Variants in SRGAP1 observed in about 807,000 individuals in gnomAD.
The protein encoded by SRGAP1 is SLIT-ROBO Rho GTPase activating protein 1.
A neutral mutation model predicts 121.9 loss-of-function variants in SRGAP1; 43 were observed. The ratio of observed to expected loss-of-function variants is 0.35; its 90% CI spans 0.28 to 0.46. SRGAP1 has a LOEUF of 0.46. SRGAP1 is among the 20% of genes least tolerant of loss of function. The pLI is 1.00. For synonymous variants in SRGAP1, 447 were observed against 485.4 expected (o/e 0.92, Z 1.04); for missense variants, 1,102 against 1,350.9 (o/e 0.82, Z 2.89).
At chr12:64,137,686 T>C (rs1377615216) in intron 21 of SRGAP1, among the ~76,000 whole-genome samples, 1 of 152,204 alleles carries the variant, frequency 6.6e-6, no homozygotes, top group Non-Finnish European at 1.5e-5. Context: ...CAAATCTTTA[T>C]TGAGCATTTA....
At chr12:63,863,282 T>TC (rs1899516699) in intron 1 of SRGAP1, among the ~76,000 whole-genome samples, 1 of 151,468 alleles carries the variant, frequency 6.6e-6, no homozygotes, top group African/African-American at 2.4e-5. Flanking sequence ...TTTTCTTTTT[T>TC]TTTTTTTTGA....
chr12:64,120,880 G>T (rs2036595301), intron 18 of SRGAP1, among the ~76,000 whole-genome samples: 1 of 151,934 alleles, frequency 6.6e-6, no homozygotes, highest in South Asian at 2.1e-4. Flanking sequence ...TGTCTTGATA[G>T]CTTATTAATG....
chr12:64,090,018 C>T (rs2036019154), intron 11 of SRGAP1, among the ~76,000 whole-genome samples: 1 of 152,210 alleles, frequency 6.6e-6, no homozygotes, highest in African/African-American at 2.4e-5. Flanking sequence ...GGGCTTTACA[C>T]AATTTCCTGG....
chr12:63,974,499 G>T (rs997620838), intron 1 of SRGAP1, among the ~76,000 whole-genome samples: 2 of 152,082 alleles, frequency 1.3e-5, no homozygotes, highest in African/African-American at 2.4e-5. Context: ...ACTGTACTGA[G>T]AAGACAGTTC....
chr12:63,956,851 C>T (rs147547396), intron 1 of SRGAP1, among the ~76,000 whole-genome samples: 4 of 149,308 alleles, frequency 2.7e-5, no homozygotes, highest in African/African-American at 9.9e-5. Flanking sequence ...AATTTTAGAA[C>T]ATTTTCACCA....
intron 1 of SRGAP1, among the ~76,000 whole-genome samples, chr12:63,855,473 GTTTTT>G (rs781701925): frequency 0.056 from 2,942 of 52,606 alleles, 21 homozygotes; most frequent in East Asian, 0.14. Flanking sequence ...GAAAAATGGT[GTTTTT>G]TTTTTTTTTT....
chr12:64,028,922 C>A (rs912805868), intron 4 of SRGAP1, among the ~76,000 whole-genome samples: 21 of 152,196 alleles, frequency 1.4e-4, no homozygotes, highest in African/African-American at 5.1e-4. Context: ...TACCAGTGAT[C>A]ACTGCAAGGG....
At chr12:64,052,477 C>T in intron 6 of SRGAP1, among the ~76,000 whole-genome samples, 1 of 151,906 alleles carries the variant, frequency 6.6e-6, no homozygotes. Context: ...ATCGCTTGAA[C>T]CTGGGAGGTG....
chr12:64,108,610 G>A (rs1304999591), intron 15 of SRGAP1, among the ~76,000 whole-genome samples: 1 of 152,164 alleles, frequency 6.6e-6, no homozygotes, highest in Non-Finnish European at 1.5e-5. Context: ...TTAGCATGCA[G>A]CAAGAAGTTG....
Position 64,128,278 on chromosome 12 carries a change from A to G in SRGAP1, c.2880+78A>G. 1.2e-5 allele frequency: 15 copies of G among 1,286,794 alleles called. 1 individual carries two copies. The South Asian group carries it at 2.0e-4, about 17-fold the overall frequency. 79.7% of individuals were successfully genotyped at this position (1,286,794 alleles called of 1,614,324 possible). A position where few individuals can be genotyped will look rare whatever the true frequency, so the allele number is the denominator to read the frequency against. On this transcript the variant is annotated intron_variant, in intron 21 of 21. Transcript: ENST00000355086. ...GAGGTGTGAAAGATTTACTTTATTTACTTTTTACTTTATTTACTTTATATT... is the reference window on the plus strand; with the variant it reads ...GAGGTGTGAAAGATTTACTTTATTTGCTTTTTACTTTATTTACTTTATATT...
At chr12:64,043,372 T>C (rs1355172316) in intron 5 of SRGAP1, 75 bp from the exon 6 acceptor site, 2 of 1,401,150 alleles carry the variant, frequency 1.4e-6, no homozygotes, top group African/African-American at 2.9e-5. Flanking sequence ...TTAATAAAAA[T>C]GCATGTATGT....
At chr12:64,006,203 C>G (rs1481599194) in intron 3 of SRGAP1, among the ~76,000 whole-genome samples, 1 of 152,156 alleles carries the variant, frequency 6.6e-6, no homozygotes, top group Non-Finnish European at 1.5e-5. Context: ...GTACATTCTT[C>G]TATACTGGCA....
chr12:64,060,056 G>A (rs991106673), intron 6 of SRGAP1, among the ~76,000 whole-genome samples: 5 of 151,914 alleles, frequency 3.3e-5, no homozygotes, highest in African/African-American at 1.2e-4. Context: ...GACTTTTAAT[G>A]TGCATATGAA....
Position 64,158,205 on chromosome 12 carries a change from T to C in SRGAP1, c.*15533T>C. 1 of 152,250 alleles carries C rather than the reference T, an allele frequency of 6.6e-6. No homozygotes were observed. Among genetic ancestry groups the C allele is most frequent in the East Asian group, 1.9e-4 (1 of 5,198 alleles). 9.4% of individuals were successfully genotyped at this position (152,250 alleles called of 1,614,324 possible). ...CATAGTTAGTGCTCAAGAATTGTGC[T>C]ATAATCAATGTTACTAAATTATCTA... On this transcript the variant is annotated 3_prime_UTR_variant, in exon 22 of 22. Transcript: ENST00000355086.
intron 1 of SRGAP1, among the ~76,000 whole-genome samples, chr12:63,890,751 G>T (rs1900551532): frequency 6.6e-6 from 1 of 152,136 alleles, no homozygotes; most frequent in Non-Finnish European, 1.5e-5. Flanking sequence ...GTTTCTGCAG[G>T]CCCCAGGAGA....
chr12:63,849,575 C>T (rs765212304), intron 1 of SRGAP1, among the ~76,000 whole-genome samples: 11 of 152,186 alleles, frequency 7.2e-5, no homozygotes, highest in Non-Finnish European at 1.0e-4. Flanking sequence ...ACAAATAATA[C>T]ATTTTAGTAG....
At chr12:63,857,184 A>G (rs887497793) in intron 1 of SRGAP1, among the ~76,000 whole-genome samples, 1 of 150,638 alleles carries the variant, frequency 6.6e-6, no homozygotes, top group Non-Finnish European at 1.5e-5. Flanking sequence ...GGTTCAAGCG[A>G]TTCTCTTGCC....
rs117045510 is a variant in SRGAP1, at chr12:63,852,727, A to C, written c.67+7844A>C. Among the ~76,000 whole-genome samples, 40 of 152,344 alleles carry C rather than the reference A, an allele frequency of 2.6e-4. 1 individual carries two copies. The East Asian group carries it at 7.5e-3, about 29-fold the overall frequency. On this transcript the variant is annotated intron_variant, in intron 1 of 21. Coordinates refer to ENST00000355086, the MANE Select transcript of SRGAP1 (RefSeq NM_020762.4). ...TGTGGGTGAAAAAGATTCTTATGAC[A>C]TCAGATAAAGTCACTGCCTTAATCT...
chr12:63,868,087 TTTTTTG>T (rs1565927769), intron 1 of SRGAP1, among the ~76,000 whole-genome samples: 190 of 86,340 alleles, frequency 2.2e-3, no homozygotes, highest in African/African-American at 8.7e-3. Context: ...TTGTTTTTTT[TTTTTTG>T]TTTTTTGAGA....
Sources: gnomAD v4.1 joint callset for allele counts (sites outside exome capture counted in the v4.1 genomes callset) on GRCh38, gnomAD v4.1.1 for gene constraint, MANE v1.5 for transcripts, NCBI Gene and HGNC (gene_info 2026-07-23, HGNC 2026-07-21) for gene names.